The following LRRK2 variants were observed in gnomAD, a reference collection of about 807,000 sequenced individuals.
LRRK2 encodes the protein leucine-rich repeat serine/threonine-protein kinase 2.
Under a neutral mutation model 302.6 loss-of-function variants are expected in LRRK2, and 203 were observed. That is an observed-to-expected ratio of 0.67 (90% CI 0.60 to 0.75). The LOEUF is 0.75. Among genes scored for constraint, LRRK2 ranks in the 30% least tolerant of loss-of-function variants. LRRK2 has a pLI of 0.00. For synonymous variants in LRRK2, 1,066 were observed against 1,031.9 expected, an observed-to-expected ratio of 1.03 and a Z score of -0.63; for missense variants, 2,830 against 2,951.0, an observed-to-expected ratio of 0.96 and a Z score of 0.95.
At chr12:40,285,663 G>A (rs866503998) in intron 19 of LRRK2, among the ~76,000 whole-genome samples, 2 of 151,698 alleles carry the variant, frequency 1.3e-5, no homozygotes, top group South Asian at 2.1e-4. Context: ...AATAGCAAAA[G>A]AGTAGGAAAA....
intron 13 of LRRK2, among the ~76,000 whole-genome samples, chr12:40,263,346 C>T (rs1425419000): frequency 1.3e-5 from 2 of 152,024 alleles, no homozygotes; most frequent in Non-Finnish European, 2.9e-5. Context: ...AAACTCAAAT[C>T]TTATTTTTTG....
chr12:40,234,905 G>A (rs898461386), intron 3 of LRRK2, among the ~76,000 whole-genome samples: 2 of 152,060 alleles, frequency 1.3e-5, no homozygotes, highest in Non-Finnish European at 2.9e-5. Flanking sequence ...ATGGAGTTGG[G>A]TGAAAATAGT....
chr12:40,242,819 G>GAAAAAAAAAAAAAAAAAAAA (rs1941796075), intron 6 of LRRK2, among the ~76,000 whole-genome samples: 1 of 6,086 alleles, frequency 1.6e-4, no homozygotes, highest in East Asian at 4.3e-3. Context: ...AAAAAAAAAG[G>GAAAAAAAAAAAAAAAAAAAA]TAAGCAATAT....
rs34073574 is a variant in LRRK2, at chr12:40,311,346, CTTT to C, written c.4536+705_4536+707del. Among the ~76,000 whole-genome samples, 707 of 151,218 alleles carry C rather than the reference CTTT, an allele frequency of 4.7e-3. 2 individuals are homozygous for C. The highest frequency in any genetic ancestry group is 6.8e-3 in the Non-Finnish European group (462 of 67,666). On this transcript the variant is annotated intron_variant, in intron 31 of 50. Transcript: ENST00000298910. ...AATAAATCAGTTATCAGAGAGAACACTTTTTTTTTTAAATACTTGGCAGAAAAA... is the reference window on the plus strand; with the variant it reads ...AATAAATCAGTTATCAGAGAGAACACTTTTTTTAAATACTTGGCAGAAAAA...
At chr12:40,284,212 T>C in intron 19 of LRRK2, 79 bp downstream of exon 19, 2 of 1,326,160 alleles carry the variant, frequency 1.5e-6, no homozygotes, top group Admixed American at 2.1e-5. Context: ...TTAGTGGTTA[T>C]TCATGCCAGT....
chr12:40,355,406 T>A (rs561203512), intron 45 of LRRK2, among the ~76,000 whole-genome samples: 1 of 152,050 alleles, frequency 6.6e-6, no homozygotes, highest in African/African-American at 2.4e-5. Context: ...GTGGGAGCAG[T>A]TGTCAATGTG....
At chr12:40,324,452 C>T (rs1324862344) in intron 38 of LRRK2, among the ~76,000 whole-genome samples, 1 of 152,124 alleles carries the variant, frequency 6.6e-6, no homozygotes, top group East Asian at 1.9e-4. Flanking sequence ...AAGTTTTAAA[C>T]ATTCCTGAGA....
chr12:40,322,480 CT>C lies in LRRK2; in HGVS notation c.5481del (p.Asp1828MetfsTer3), dbSNP rs1945433116. The C allele has an allele frequency of 6.2e-7, 1 of 1,612,282 alleles. No homozygotes were observed. Among genetic ancestry groups the C allele is most frequent in the Admixed American group, 1.7e-5 (1 of 59,922 alleles). ...NDGEEHQKILLDDLMKKAEEG... is the reference protein window; with the variant it reads ...NDGEEHQKILXDDLMKKAEEG... Reference sequence around the variant, plus strand: ...TGGTGAAGAACATCAAAAAATCTTACTTGATGACTTGATGAAGAAAGCAGAG... The same window carrying C: ...TGGTGAAGAACATCAAAAAATCTTACTGATGACTTGATGAAGAAAGCAGAG... On this transcript the variant is annotated frameshift_variant, in exon 37 of 51. Transcript: ENST00000298910. LOFTEE classifies it high-confidence loss of function.
intron 19 of LRRK2, among the ~76,000 whole-genome samples, chr12:40,284,930 T>G (rs920265142): frequency 2.6e-4 from 40 of 152,126 alleles, no homozygotes; most frequent in Admixed American, 4.6e-4. Flanking sequence ...CAGTCTACTT[T>G]TTCCCTCAGT....
At chr12:40,225,366 T>C in intron 1 of LRRK2, 84 bp downstream of exon 1, 2 of 1,512,058 alleles carry the variant, frequency 1.3e-6, no homozygotes, top group Non-Finnish European at 1.8e-6. Flanking sequence ...CCTCCTCCCC[T>C]TGACCCTGCT....
intron 18 of LRRK2, among the ~76,000 whole-genome samples, chr12:40,280,157 A>C (rs888295326): frequency 6.6e-6 from 1 of 152,210 alleles, no homozygotes; most frequent in East Asian, 1.9e-4. Context: ...AGTCTGAATA[A>C]AAATAATAAG....
intron 19 of LRRK2, 125 bp from the exon 20 acceptor site, chr12:40,287,226 A>G (rs926709690): frequency 1.2e-6 from 1 of 833,974 alleles, no homozygotes; most frequent in Non-Finnish European, 1.9e-6. Context: ...GTGTAAGGTG[A>G]CTTTGAAAGG....
intron 39 of LRRK2, among the ~76,000 whole-genome samples, chr12:40,332,972 AAG>A (rs1555191704): frequency 4.0e-5 from 6 of 151,074 alleles, no homozygotes; most frequent in African/African-American, 1.2e-4. Context: ...AAAAAAAAAA[AAG>A]AAAAAGACAA....
chr12:40,302,471 A>G (rs1944667601), intron 25 of LRRK2, among the ~76,000 whole-genome samples: 1 of 152,138 alleles, frequency 6.6e-6, no homozygotes, highest in African/African-American at 2.4e-5. Context: ...TATATGGTAT[A>G]TAATAACATC....
intron 3 of LRRK2, among the ~76,000 whole-genome samples, chr12:40,233,830 C>T (rs890202287): frequency 1.3e-5 from 2 of 152,182 alleles, no homozygotes; most frequent in African/African-American, 4.8e-5. Context: ...CACTCACTCA[C>T]TTACTCATTC....
intron 10 of LRRK2, among the ~76,000 whole-genome samples, chr12:40,251,862 T>C (rs1352670425): frequency 2.6e-5 from 4 of 152,300 alleles, no homozygotes; most frequent in Non-Finnish European, 5.9e-5. Flanking sequence ...TCTTGGGTGA[T>C]AGAAATTGCA....
At chr12:40,359,570 A>G (rs1946643918) in intron 47 of LRRK2, 126 bp downstream of exon 47, 1 of 881,058 alleles carries the variant, frequency 1.1e-6, no homozygotes, top group African/African-American at 1.7e-5. Context: ...ATTTTCTATC[A>G]TAAAATTAAA....
Position 40,257,235 on chromosome 12 carries a change from T to C in LRRK2, c.1289-13T>C. Reference sequence around the variant, plus strand: ...GCTTTCATATCTATAAGTAACATTTTAAAAAATCTCAGTTAATTTCAGAAA... The same window carrying C: ...GCTTTCATATCTATAAGTAACATTTCAAAAAATCTCAGTTAATTTCAGAAA... On this transcript the variant is annotated splice_polypyrimidine_tract_variant and intron_variant, in intron 11 of 50. Coordinates refer to ENST00000298910, the MANE Select transcript of LRRK2 (RefSeq NM_198578.4). The C allele has an allele frequency of 6.6e-7, 1 of 1,518,116 alleles. No individual in the cohort carries two copies. The highest frequency in any genetic ancestry group is 9.1e-7 in the Non-Finnish European group (1 of 1,093,992). The allele number at this position is 1,518,116 out of a possible 1,614,324, so 94.0% of individuals were successfully genotyped here.
chr12:40,317,268 C>T (rs10784506), intron 33 of LRRK2, among the ~76,000 whole-genome samples: 85,423 of 151,116 alleles, frequency 0.57, 24,192 homozygotes, highest in South Asian at 0.69. Flanking sequence ...TTTAAATTTC[C>T]GATTAACCTA....
Sources: allele counts gnomAD v4.1 joint callset (sites outside exome capture counted in the v4.1 genomes callset), GRCh38; gene constraint gnomAD v4.1.1; transcripts MANE v1.5; gene names NCBI Gene and HGNC (gene_info 2026-07-23, HGNC 2026-07-21).